Variants in VPS37A observed in about 807,000 individuals in gnomAD.
VPS37A encodes VPS37A subunit of ESCRT-I.
In VPS37A, 30 loss-of-function variants were observed where a neutral mutation model predicts 49.8. That is an observed-to-expected ratio of 0.60 (90% CI 0.45 to 0.82). VPS37A has a LOEUF of 0.82. VPS37A is among the 40% of genes least tolerant of loss of function. The pLI is 0.00. For missense variants in VPS37A, 593 were observed against 464.4 expected, an observed-to-expected ratio of 1.28 and a Z score of -2.55; for synonymous variants, 195 against 160.6, an observed-to-expected ratio of 1.21 and a Z score of -1.62.
chr8:17,284,807 C>A (rs17587134), intron 10 of VPS37A, among the ~76,000 whole-genome samples, 191 bp downstream of exon 10: 1 of 152,098 alleles, frequency 6.6e-6, no homozygotes, highest in Non-Finnish European at 1.5e-5. Context: ...GTTCCTGGAA[C>A]TTAAAACTTT....
chr8:17,276,479 A>T lies in VPS37A; in HGVS notation c.713+12A>T. On this transcript the variant is annotated intron_variant, in intron 6 of 11. Transcript: ENST00000324849. ...CTCTCAGAACTAAGGTAAACCTGGA[A>T]AGTAAAGTTGGTCACATTGTCTATT... The T allele has an allele frequency of 6.2e-7, 1 of 1,605,000 alleles. No homozygotes were observed. The highest frequency in any genetic ancestry group is 1.3e-5 in the African/African-American group (1 of 74,542).
intron 9 of VPS37A, among the ~76,000 whole-genome samples, chr8:17,283,272 C>T (rs1394498572): frequency 2.0e-5 from 3 of 152,086 alleles, no homozygotes; most frequent in African/African-American, 4.8e-5. Context: ...CCTCCCAATT[C>T]ATCCTCCCAA....
At chr8:17,320,792 C>T in the VPS37A span, among the ~76,000 whole-genome samples, 1 of 152,184 alleles carries the variant, frequency 6.6e-6, no homozygotes. Flanking sequence ...CCCTGAAACA[C>T]GGCCCAGTGG....
At chr8:17,289,263 A>T (rs183447315) in intron 11 of VPS37A, among the ~76,000 whole-genome samples, 8 of 152,112 alleles carry the variant, frequency 5.3e-5, no homozygotes, top group African/African-American at 1.7e-4. Context: ...TGTGTTTTAG[A>T]CATGAAGTCT....
the VPS37A span, among the ~76,000 whole-genome samples, chr8:17,315,581 C>T: frequency 6.6e-6 from 1 of 152,144 alleles, no homozygotes; most frequent in African/African-American, 2.4e-5. Flanking sequence ...CTAGCTGGGA[C>T]TCTCCGTACC....
the VPS37A span, among the ~76,000 whole-genome samples, chr8:17,318,635 G>T: frequency 6.3e-3 from 963 of 152,250 alleles, 34 homozygotes; most frequent in Admixed American, 0.056. Flanking sequence ...TCACAGCCAG[G>T]TTTCCTGAGA....
intron 11 of VPS37A, among the ~76,000 whole-genome samples, chr8:17,287,216 T>G (rs1815685518): frequency 6.6e-6 from 1 of 152,138 alleles, no homozygotes; most frequent in African/African-American, 2.4e-5. Flanking sequence ...AAGTAAAAGC[T>G]TATGTTATTT....
rs1020184933 is a variant in VPS37A, at chr8:17,268,901, G to A, written c.361G>A (p.Asp121Asn). ...DLGKIIQSLL[D>N]EFWKNPPVLA... ...TGGAAAAATTATTCAGAGTCTGTTG[G>A]ATGAGTTTTGGAAGAATCCTCCAGT... is the stretch of plus-strand genomic sequence containing the variant. Residue 121 changes from aspartate to asparagine, a missense_variant, in exon 4 of 12, where the codon GAT becomes AAT. By Grantham distance (23) the Asp-to-Asn change is conservative. Transcript: ENST00000324849. 11 of 1,610,798 alleles carry A rather than the reference G, an allele frequency of 6.8e-6. No individual in the cohort carries two copies. In the Admixed American group the frequency reaches 1.7e-4, roughly 25 times the overall value.
chr8:17,262,455 G>A (rs928586636), intron 1 of VPS37A, among the ~76,000 whole-genome samples: 1 of 152,092 alleles, frequency 6.6e-6, no homozygotes, highest in African/African-American at 2.4e-5. Flanking sequence ...CAAATTCAGA[G>A]CCACTGAGGT....
At chr8:17,277,518 C>A (rs1441443203) in intron 6 of VPS37A, among the ~76,000 whole-genome samples, 1 of 152,142 alleles carries the variant, frequency 6.6e-6, no homozygotes, top group East Asian at 1.9e-4. Context: ...CCTCTTCTAT[C>A]CAGCTTTCTT....
At position 17,267,618 on chromosome 8, in the gene VPS37A, C is replaced by G. The variant is rs189735971; in HGVS notation, c.201-640C>G. Among the ~76,000 whole-genome samples, 24 of 152,266 alleles carry G rather than the reference C, an allele frequency of 1.6e-4. No homozygotes were observed. The East Asian group carries it at 4.4e-3, about 28-fold the overall frequency. ...TGACAGCTACATTGTTTCAATCCTC[C>G]TACTTTACATTTTATCCTCTTTAGA... On this transcript the variant is annotated intron_variant, in intron 2 of 11. Transcript: ENST00000324849.
At chr8:17,260,758 G>T (rs377458295) in intron 1 of VPS37A, among the ~76,000 whole-genome samples, 11 of 152,246 alleles carry the variant, frequency 7.2e-5, no homozygotes, top group African/African-American at 2.2e-4. Flanking sequence ...TTGTTTGTTT[G>T]TTCGTTTTTT....
At chr8:17,313,845 C>G in the VPS37A span, among the ~76,000 whole-genome samples, 2 of 152,182 alleles carry the variant, frequency 1.3e-5, no homozygotes, top group Non-Finnish European at 2.9e-5. Context: ...CAGATTAGGA[C>G]TGTTGTAAAA....
intron 11 of VPS37A, among the ~76,000 whole-genome samples, 154 bp from the exon 12 acceptor site, chr8:17,294,831 CTG>C (rs1304599799): frequency 6.6e-6 from 1 of 152,216 alleles, no homozygotes; most frequent in Admixed American, 6.5e-5. Context: ...CCTGCCTTCT[CTG>C]TTGGTCTCCC....
downstream of VPS37A, among the ~76,000 whole-genome samples, chr8:17,300,511 T>C (rs1031167700): frequency 2.6e-5 from 4 of 152,182 alleles, no homozygotes; most frequent in African/African-American, 9.7e-5. Context: ...CTCTTTTCTA[T>C]ACCTACATGG....
At chr8:17,322,471 CGTG>C in the VPS37A span, among the ~76,000 whole-genome samples, 5 of 152,072 alleles carry the variant, frequency 3.3e-5, no homozygotes, top group Admixed American at 3.3e-4. Flanking sequence ...AGGTTTAACA[CGTG>C]GTAAGGAAAA....
the VPS37A span, among the ~76,000 whole-genome samples, chr8:17,324,686 G>A: frequency 1.3e-5 from 2 of 152,196 alleles, no homozygotes; most frequent in African/African-American, 4.8e-5. Context: ...CAGAACACTT[G>A]TTAATAGGCC....
the VPS37A span, among the ~76,000 whole-genome samples, chr8:17,323,945 T>C: frequency 2.0e-5 from 3 of 152,170 alleles, no homozygotes; most frequent in African/African-American, 4.8e-5. Context: ...AAATTAATCT[T>C]TGAACTGTCT....
At chr8:17,327,493 C>A in the VPS37A span, among the ~76,000 whole-genome samples, 1 of 152,240 alleles carries the variant, frequency 6.6e-6, no homozygotes, top group South Asian at 2.1e-4. Context: ...GTTGCCCAGG[C>A]TGGTCTCAAA....
Sources: allele counts gnomAD v4.1 joint callset (sites outside exome capture counted in the v4.1 genomes callset), GRCh38; gene constraint gnomAD v4.1.1; transcripts MANE v1.5; gene names NCBI Gene and HGNC (gene_info 2026-07-23, HGNC 2026-07-21).